Variants in KDM2B observed in about 807,000 individuals in gnomAD.
KDM2B encodes the protein lysine-specific demethylase 2B.
A neutral mutation model predicts 150.0 loss-of-function variants in KDM2B; 26 were observed. The ratio of observed to expected loss-of-function variants is 0.17; its 90% CI spans 0.13 to 0.24. The LOEUF (loss-of-function observed/expected upper bound fraction) is 0.24. Among genes scored for constraint, KDM2B ranks in the 10% least tolerant of loss-of-function variants. The probability of loss-of-function intolerance (pLI) is 1.00; values close to 1 mark genes in which losing one functional copy is unlikely to be tolerated. For synonymous variants in KDM2B, 734 were observed against 729.5 expected (o/e 1.01, Z -0.10); for missense variants, 1,265 against 1,816.9 (o/e 0.70, Z 5.52).
chr12:121,424,749 C>T (rs186833228), downstream of KDM2B, among the ~76,000 whole-genome samples: 47 of 152,072 alleles, frequency 3.1e-4, no homozygotes, highest in African/African-American at 8.9e-4. Flanking sequence ...AAAACAATGC[C>T]ACATGAGCAA....
intron 13 of KDM2B, among the ~76,000 whole-genome samples, chr12:121,450,858 CA>C (rs1555291468): frequency 6.9e-4 from 88 of 128,238 alleles, no homozygotes; most frequent in Non-Finnish European, 8.2e-4. Flanking sequence ...AAGACTCCAT[CA>C]AAAAAAAAAA....
chr12:121,580,667 G>A (rs1221167511), intron 1 of KDM2B, 119 bp downstream of exon 1: 1 of 1,379,882 alleles, frequency 7.2e-7, no homozygotes, highest in Non-Finnish European at 9.7e-7. Context: ...CGAGCATGCT[G>A]GCGTGAAAGC....
chr12:121,505,370 G>C (rs1486336478), intron 11 of KDM2B, among the ~76,000 whole-genome samples: 1 of 151,236 alleles, frequency 6.6e-6, no homozygotes, highest in Non-Finnish European at 1.5e-5. Flanking sequence ...ATTGTGTTAC[G>C]TGTGTCTTAC....
chr12:121,514,555 G>A (rs1885870405), intron 9 of KDM2B, among the ~76,000 whole-genome samples: 1 of 151,648 alleles, frequency 6.6e-6, no homozygotes, highest in African/African-American at 2.4e-5. Flanking sequence ...GCCACACGAT[G>A]GTCTCACATG....
chr12:121,411,690 T>C, the KDM2B span, among the ~76,000 whole-genome samples: 2 of 152,216 alleles, frequency 1.3e-5, no homozygotes, highest in Non-Finnish European at 1.5e-5. Context: ...TAGGAATTTT[T>C]TACACAGTTA....
At chr12:121,431,652 A>T (rs887792718) in intron 22 of KDM2B, among the ~76,000 whole-genome samples, 1 of 152,122 alleles carries the variant, frequency 6.6e-6, no homozygotes, top group African/African-American at 2.4e-5. Flanking sequence ...TACGCCACCA[A>T]ACTGACTTCC....
intron 12 of KDM2B, among the ~76,000 whole-genome samples, chr12:121,473,471 C>T (rs1880989800): frequency 6.6e-6 from 1 of 151,674 alleles, no homozygotes; most frequent in African/African-American, 2.4e-5. Flanking sequence ...GTAATCCCAG[C>T]ACTTTGGGAG....
At chr12:121,539,383 G>A (rs1555309355) in intron 6 of KDM2B, among the ~76,000 whole-genome samples, 1 of 148,312 alleles carries the variant, frequency 6.7e-6, no homozygotes, top group South Asian at 2.1e-4. Flanking sequence ...CATTAAATGA[G>A]CTAGGAGAGG....
At chr12:121,491,442 T>C (rs1555299888) in intron 12 of KDM2B, among the ~76,000 whole-genome samples, 1 of 152,144 alleles carries the variant, frequency 6.6e-6, no homozygotes, top group African/African-American at 2.4e-5. Flanking sequence ...GTATTCATTC[T>C]TCTTCTGCTT....
At chr12:121,531,985 T>C (rs931467804) in intron 8 of KDM2B, among the ~76,000 whole-genome samples, 2 of 151,744 alleles carry the variant, frequency 1.3e-5, no homozygotes, top group African/African-American at 4.8e-5. Context: ...CCCAGCTACT[T>C]GGGAGGCTGA....
At chr12:121,536,182 C>T (rs1888080230) in intron 6 of KDM2B, 1 of 783,566 alleles carries the variant, frequency 1.3e-6, no homozygotes. Flanking sequence ...GTGCCCCCTC[C>T]CTCTGGCTGC....
chr12:121,551,344 C>CTT (rs1176650753), intron 4 of KDM2B, among the ~76,000 whole-genome samples: 18 of 130,916 alleles, frequency 1.4e-4, no homozygotes, highest in South Asian at 9.9e-4. Flanking sequence ...AGATTCCATT[C>CTT]TTTTTTTTTT....
intron 6 of KDM2B, among the ~76,000 whole-genome samples, chr12:121,542,334 C>T (rs541244726): frequency 3.9e-5 from 6 of 152,314 alleles, no homozygotes; most frequent in African/African-American, 1.4e-4. Flanking sequence ...CCCACTGCAA[C>T]ATTTCTCACT....
At chr12:121,547,326 T>C (rs979418583) in intron 6 of KDM2B, among the ~76,000 whole-genome samples, 4 of 152,062 alleles carry the variant, frequency 2.6e-5, no homozygotes, top group Non-Finnish European at 4.4e-5. Flanking sequence ...GGATGGAGCT[T>C]CAGCTTGAAG....
At chr12:121,481,320 C>T (rs1882108946) in intron 12 of KDM2B, among the ~76,000 whole-genome samples, 2 of 152,088 alleles carry the variant, frequency 1.3e-5, no homozygotes, top group Admixed American at 1.3e-4. Flanking sequence ...CAGGTTTGCA[C>T]CTACTTTCTT....
rs371192224 is a variant in KDM2B, at chr12:121,450,927, G to A, written c.1959+2193C>T. Among the ~76,000 whole-genome samples, 166 of 151,884 alleles carry A rather than the reference G, an allele frequency of 1.1e-3. No individual in the cohort carries two copies. In the South Asian group the frequency reaches 0.023, roughly 21 times the overall value. ...GGTGGGAATGTAAAACGGGATGGCCGCGGTGGCCAACAGTACAGAGGTTCC... is the reference window on the plus strand; with the variant it reads ...GGTGGGAATGTAAAACGGGATGGCCACGGTGGCCAACAGTACAGAGGTTCC... On this transcript the variant is annotated intron_variant, in intron 13 of 22. Transcript: ENST00000377071.
chr12:121,442,596 C>G lies in KDM2B; in HGVS notation c.2845G>C (p.Glu949Gln), dbSNP rs1218636012. Residue 949 changes from glutamate to glutamine, a missense_variant, in exon 19 of 23, where the codon GAG becomes CAG. By Grantham distance (29) the Glu-to-Gln change is conservative. Around this residue, in one of 11 missense-constraint regions of KDM2B, gnomAD observed 418 missense variants for 402.4 expected, o/e 1.04. Transcript: ENST00000377071. The surrounding 1 kb of genome is among the most constrained non-coding windows in gnomAD (Gnocchi z 7.7). Reference sequence around the variant, plus strand: ...TCGTGGTTGAGCTCCTTGCTCAGCTCCCTGCTCAGCTCCTTGTTGGGAAGC... The same window carrying G: ...TCGTGGTTGAGCTCCTTGCTCAGCTGCCTGCTCAGCTCCTTGTTGGGAAGC... ...RRLPNKELSR[E>Q]LSKELNHEIQ... 1.9e-6 allele frequency: 3 copies of G among 1,601,796 alleles called. No homozygotes were observed. The Admixed American group carries it at 5.0e-5, about 27-fold the overall frequency.
Position 121,513,139 on chromosome 12 carries a change from G to A in KDM2B, c.1174+137C>T. Reference sequence around the variant, plus strand: ...AACTGGCAAGAATGGCTTCCCCTGAGGGGTTCCTAGGATTCTGCCCAATAC... The same window carrying A: ...AACTGGCAAGAATGGCTTCCCCTGAAGGGTTCCTAGGATTCTGCCCAATAC... On this transcript the variant is annotated intron_variant, in intron 10 of 22. Coordinates refer to ENST00000377071, the MANE Select transcript of KDM2B (RefSeq NM_032590.5). The surrounding 1 kb of genome is among the most constrained non-coding windows in gnomAD (Gnocchi z 5.0). The A allele has an allele frequency of 3.2e-6, 3 of 948,708 alleles. No individual in the cohort carries two copies. The highest frequency in any genetic ancestry group is 1.7e-5 in the South Asian group (1 of 58,312). 58.8% of individuals were successfully genotyped at this position (948,708 alleles called of 1,614,324 possible).
chr12:121,579,232 A>C (rs1261790184), intron 1 of KDM2B, among the ~76,000 whole-genome samples: 2 of 151,944 alleles, frequency 1.3e-5, no homozygotes, highest in African/African-American at 4.8e-5. Context: ...CGCCCCCGAA[A>C]TGTGCTGGGC....
Sources: allele counts gnomAD v4.1 joint callset (sites outside exome capture counted in the v4.1 genomes callset), GRCh38; gene constraint gnomAD v4.1.1; regional missense constraint gnomAD v4.1.1; non-coding constraint Gnocchi (gnomAD v3.1); transcripts MANE v1.5; gene names NCBI Gene and HGNC (gene_info 2026-07-23, HGNC 2026-07-21).